TBCD: variants seen among roughly 807,000 people sequenced by gnomAD.
TBCD encodes the protein tubulin folding cofactor D.
In TBCD, 105 loss-of-function variants were observed where a neutral mutation model predicts 169.3. The ratio of observed to expected loss-of-function variants is 0.62; its 90% CI spans 0.53 to 0.73. TBCD has a LOEUF of 0.73. Among genes scored for constraint, TBCD ranks in the 30% least tolerant of loss-of-function variants. The pLI is 0.00. For missense variants in TBCD, 1,444 were observed against 1,600.1 expected (o/e 0.90, Z 1.66); for synonymous variants, 700 against 643.9 (o/e 1.09, Z -1.32).
chr17:82,942,633 G>C lies in TBCD; in HGVS notation c.*170G>C, dbSNP rs2063418219. On this transcript the variant is annotated 3_prime_UTR_variant, in exon 39 of 39. Transcript: ENST00000355528. ...CTTTTCCTCTCTGCACCTGCGCTCTGGTGACTTGGGGTGGACGCCTCTGCC... is the reference window on the plus strand; with the variant it reads ...CTTTTCCTCTCTGCACCTGCGCTCTCGTGACTTGGGGTGGACGCCTCTGCC... 2.6e-6 allele frequency: 2 copies of C among 756,822 alleles called. No homozygotes were observed. The highest frequency in any genetic ancestry group is 5.3e-5 in the Admixed American group (2 of 38,020). 46.9% of individuals were successfully genotyped at this position (756,822 alleles called of 1,614,324 possible).
chr17:82,832,644 A>G lies in TBCD; in HGVS notation c.1318+17710A>G, dbSNP rs372255105. 2.8e-5 allele frequency: 18 copies of G among 637,578 alleles called. No individual in the cohort carries two copies. The highest frequency in any genetic ancestry group is 1.8e-4 in the African/African-American group (10 of 54,936). 39.5% of individuals were successfully genotyped at this position (637,578 alleles called of 1,614,324 possible). A position where few individuals can be genotyped will look rare whatever the true frequency, so the allele number is the denominator to read the frequency against. ...TCATCTGGCGGCTGGGAGCTGTAAT[A>G]AAGAGCAGTCTTGGTGTCAGGACAG... On this transcript the variant is annotated intron_variant, in intron 13 of 38. Transcript: ENST00000355528. The surrounding 1 kb of genome is among the most constrained non-coding windows in gnomAD (Gnocchi z 4.9).
chr17:82,941,788 C>T (rs1179025037), intron 38 of TBCD: 2 of 427,302 alleles, frequency 4.7e-6, no homozygotes, highest in Admixed American at 4.2e-5. Flanking sequence ...GTTTGTGCTC[C>T]AAGTGCCAAG....
At chr17:82,895,442 C>G (rs1324678121) in intron 17 of TBCD, among the ~76,000 whole-genome samples, 1 of 152,172 alleles carries the variant, frequency 6.6e-6, no homozygotes, top group Admixed American at 6.5e-5. Context: ...GGCCCTGGGC[C>G]CTGGCGGGGA....
intron 7 of TBCD, 115 bp downstream of exon 7, chr17:82,781,836 T>C: frequency 6.7e-7 from 1 of 1,488,140 alleles, no homozygotes; most frequent in East Asian, 2.3e-5. Context: ...CCCGTGGGAT[T>C]GATTTAACCG....
At chr17:82,894,761 A>G (rs1599308518) in intron 17 of TBCD, among the ~76,000 whole-genome samples, 1 of 152,214 alleles carries the variant, frequency 6.6e-6, no homozygotes, top group African/African-American at 2.4e-5. Context: ...CAAGACGGGC[A>G]GATCACCTGA....
Position 82,781,602 on chromosome 17 carries a change from C to A in TBCD, c.652C>A (p.Pro218Thr). Residue 218 changes from proline to threonine, a missense_variant, in exon 7 of 39, where the codon CCT (proline) becomes ACT (threonine). Physicochemically the swap from Pro to Thr is conservative, Grantham distance 38. Coordinates refer to ENST00000355528, the MANE Select transcript of TBCD (RefSeq NM_005993.5). ...TCCTTTTGGCAGATTTATCACACGT[C>A]CTGATGTCAAGCAAAGCAAGATGGC... ...AVLVSRFITR[P>T]DVKQSKMAEF... The A allele has an allele frequency of 6.2e-7, 1 of 1,613,716 alleles. No homozygotes were observed. The highest frequency in any genetic ancestry group is 8.5e-7 in the Non-Finnish European group (1 of 1,179,860).
chr17:82,867,229 C>T (rs1251959997), intron 13 of TBCD, among the ~76,000 whole-genome samples: 1 of 152,184 alleles, frequency 6.6e-6, no homozygotes, highest in Non-Finnish European at 1.5e-5. Flanking sequence ...GGCTGCCAAG[C>T]AGTGTCCAGG....
chr17:82,809,354 G>T (rs1055073240), intron 11 of TBCD, among the ~76,000 whole-genome samples: 1 of 152,116 alleles, frequency 6.6e-6, no homozygotes, highest in Non-Finnish European at 1.5e-5. Flanking sequence ...TGGCACAGAG[G>T]AAGCCCGGCT....
intron 15 of TBCD, among the ~76,000 whole-genome samples, chr17:82,888,251 T>C (rs1329306432): frequency 6.6e-6 from 1 of 152,028 alleles, no homozygotes. Context: ...CAGCGCACAC[T>C]GTGTGACGGG....
chr17:82,753,203 T>C (rs2047209376), intron 1 of TBCD, among the ~76,000 whole-genome samples: 1 of 152,038 alleles, frequency 6.6e-6, no homozygotes, highest in Non-Finnish European at 1.5e-5. Context: ...GCGCTTTGAT[T>C]TTAGGAGTCA....
At position 82,905,961 on chromosome 17, in the gene TBCD, A is replaced by C; in HGVS notation, c.1830A>C (p.Thr610=). Residue 610 remains threonine (T), a synonymous_variant, in exon 20 of 39, where the codon ACA becomes ACC. Transcript: ENST00000355528. The stretch of plus-strand genomic sequence containing the variant: ...TCTTCCCGAGGCTGCTGTCCATGAC[A>C]CTGAGTCCAGATCTTCACATGAGGC... ...TQVFPRLLSM[T]LSPDLHMRHG... is the part of the protein sequence containing the mutation. 1 of 1,613,038 alleles carries C rather than the reference A, an allele frequency of 6.2e-7. No homozygotes were observed. The highest frequency in any genetic ancestry group is 8.5e-7 in the Non-Finnish European group (1 of 1,179,490).
At chr17:82,919,865 G>T (rs971799877) in intron 23 of TBCD, among the ~76,000 whole-genome samples, 1 of 152,196 alleles carries the variant, frequency 6.6e-6, no homozygotes, top group African/African-American at 2.4e-5. Flanking sequence ...GCACGGTCAG[G>T]CCTCCTTGTT....
In TBCD at chr17:82,874,055, G is replaced by A. The variant is rs1212628462; in HGVS notation, c.1475+3675G>A. ...TGGAGCAGCTGCCACGTGTGGACCG[G>A]CACGGGCATGGTCGTGGTCTGCCCA... On this transcript the variant is annotated intron_variant, in intron 14 of 38. Coordinates refer to ENST00000355528, the MANE Select transcript of TBCD (RefSeq NM_005993.5). This position sits in a 1 kb window ranked among gnomAD's most constrained non-coding sequence, Gnocchi z 5.0. Among the ~76,000 whole-genome samples, 7 of 152,212 alleles carry A rather than the reference G, an allele frequency of 4.6e-5. No homozygotes were observed. The highest frequency in any genetic ancestry group is 1.0e-4 in the Non-Finnish European group (7 of 68,030).
intron 22 of TBCD, among the ~76,000 whole-genome samples, chr17:82,910,572 CTT>C (rs773777041): frequency 2.7e-5 from 4 of 146,260 alleles, no homozygotes; most frequent in Admixed American, 6.8e-5. Flanking sequence ...CTCTTAGTGA[CTT>C]TTTTTTTTTG....
In TBCD at chr17:82,889,806, G is replaced by A; in HGVS notation, c.1563+109G>A. The stretch of plus-strand genomic sequence containing the variant: ...CTTCTCGCACTGTGAGATGTGGTGT[G>A]GCTACATCAATGCCAGGGTCATGAG... On this transcript the variant is annotated intron_variant, in intron 16 of 38. Coordinates refer to ENST00000355528, the MANE Select transcript of TBCD (RefSeq NM_005993.5). This position sits in a 1 kb window ranked among gnomAD's most constrained non-coding sequence, Gnocchi z 5.3. 11 of 1,287,736 alleles carry A rather than the reference G, an allele frequency of 8.5e-6. No individual in the cohort carries two copies. The South Asian group carries it at 9.4e-5, about 11-fold the overall frequency. 79.8% of individuals were successfully genotyped at this position (1,287,736 alleles called of 1,614,324 possible).
intron 9 of TBCD, among the ~76,000 whole-genome samples, chr17:82,803,144 G>A (rs780076505): frequency 7.2e-5 from 11 of 152,168 alleles, no homozygotes; most frequent in Non-Finnish European, 1.2e-4. Context: ...GCTCTGACGG[G>A]CTGTTAGATT....
At chr17:82,858,915 C>T (rs1041863383) in intron 13 of TBCD, among the ~76,000 whole-genome samples, 2 of 152,140 alleles carry the variant, frequency 1.3e-5, no homozygotes, top group East Asian at 1.9e-4. Flanking sequence ...GCGCTTCCTG[C>T]GGGGGGATGA....
chr17:82,843,277 C>A (rs1022775191), intron 13 of TBCD, among the ~76,000 whole-genome samples: 6 of 126,438 alleles, frequency 4.7e-5, no homozygotes, highest in African/African-American at 1.4e-4. Flanking sequence ...GTGTTCCCTT[C>A]CCTTCCCCTC....
At chr17:82,778,609 C>G (rs561276358) in intron 6 of TBCD, among the ~76,000 whole-genome samples, 303 of 151,440 alleles carry the variant, frequency 2.0e-3, no homozygotes, top group African/African-American at 6.5e-3. Context: ...CAGGCGCATG[C>G]CACGACACCC....
Sources: allele counts gnomAD v4.1 joint callset (sites outside exome capture counted in the v4.1 genomes callset), GRCh38; gene constraint gnomAD v4.1.1; non-coding constraint Gnocchi (gnomAD v3.1); transcripts MANE v1.5; gene names NCBI Gene and HGNC (gene_info 2026-07-23, HGNC 2026-07-21).